The following EXOC6 variants were observed in gnomAD, a reference collection of about 807,000 sequenced individuals.
EXOC6 encodes exocyst complex component 6.
EXOC6 carries 60 observed loss-of-function variants against 112.5 expected under a neutral mutation model. That is an observed-to-expected ratio of 0.53 (90% confidence interval 0.43 to 0.66). The LOEUF is 0.66. Ranked by LOEUF, EXOC6 falls within the 30% of genes least tolerant of loss-of-function variation. EXOC6 has a pLI of 0.00. For synonymous variants in EXOC6, 295 were observed against 308.0 expected (o/e 0.96, Z 0.44); for missense variants, 855 against 957.1 (o/e 0.89, Z 1.41).
upstream of EXOC6, among the ~76,000 whole-genome samples, chr10:92,845,831 C>T (rs957773604): frequency 2.0e-5 from 3 of 149,116 alleles, no homozygotes; most frequent in Non-Finnish European, 4.5e-5. Context: ...CCAGCTACTC[C>T]GGAGGCTGAG....
intron 8 of EXOC6, among the ~76,000 whole-genome samples, chr10:92,924,443 AT>A (rs1340159794): frequency 6.6e-6 from 1 of 152,186 alleles, no homozygotes; most frequent in Non-Finnish European, 1.5e-5. Context: ...ATTCATGTAC[AT>A]TATGATTCGA....
intron 1 of EXOC6, among the ~76,000 whole-genome samples, chr10:92,871,564 T>A (rs1848448237): frequency 2.0e-5 from 3 of 151,062 alleles, no homozygotes; most frequent in Admixed American, 2.0e-4. Flanking sequence ...CCCAGCACTT[T>A]GGGAGGCCAA....
intron 17 of EXOC6, among the ~76,000 whole-genome samples, chr10:92,963,554 C>G (rs973271496): frequency 1.5e-4 from 21 of 136,818 alleles, no homozygotes; most frequent in Non-Finnish European, 2.6e-4. Flanking sequence ...TTTTTTGGAT[C>G]ATGGCTCACT....
intron 18 of EXOC6, among the ~76,000 whole-genome samples, chr10:92,977,344 G>A (rs7921198): frequency 0.011 from 1,620 of 152,056 alleles, 34 homozygotes; most frequent in African/African-American, 0.037. Context: ...AATTAGAAAA[G>A]TTGAGGGAAG....
At chr10:93,028,660 C>T (rs974427191) in intron 20 of EXOC6, among the ~76,000 whole-genome samples, 1 of 151,946 alleles carries the variant, frequency 6.6e-6, no homozygotes, top group Non-Finnish European at 1.5e-5. Context: ...CATGGAGAAA[C>T]CCTGTCTCTA....
At chr10:92,917,368 T>TA (rs1221288396) in intron 7 of EXOC6, among the ~76,000 whole-genome samples, 3 of 151,878 alleles carry the variant, frequency 2.0e-5, no homozygotes, top group Non-Finnish European at 4.4e-5. Context: ...TCTACCTATT[T>TA]AAAAAATTGG....
chr10:92,943,538 T>A (rs1852794643), intron 13 of EXOC6, among the ~76,000 whole-genome samples: 1 of 152,204 alleles, frequency 6.6e-6, no homozygotes, highest in Admixed American at 6.5e-5. Flanking sequence ...CTCACTATAT[T>A]ATGAGCCCTG....
upstream of EXOC6, among the ~76,000 whole-genome samples, chr10:92,831,146 A>G (rs550820492): frequency 5.9e-4 from 90 of 152,236 alleles, no homozygotes; most frequent in South Asian, 6.2e-3. Context: ...TACGGTGTAG[A>G]AGAAAGTAAG....
chr10:92,914,173 T>C (rs1454143320), intron 6 of EXOC6, among the ~76,000 whole-genome samples: 1 of 152,118 alleles, frequency 6.6e-6, no homozygotes, highest in African/African-American at 2.4e-5. Flanking sequence ...CATTCGATTC[T>C]CATAGGAGCG....
upstream of EXOC6, among the ~76,000 whole-genome samples, chr10:92,830,061 AG>A (rs1237859447): frequency 6.6e-6 from 1 of 152,228 alleles, no homozygotes; most frequent in Non-Finnish European, 1.5e-5. Context: ...AGTAACAATA[AG>A]TATAAGCAGC....
At chr10:93,050,081 G>C (rs566017371) in intron 20 of EXOC6, among the ~76,000 whole-genome samples, 52 of 152,144 alleles carry the variant, frequency 3.4e-4, no homozygotes, top group Middle Eastern at 6.8e-3. Flanking sequence ...AGAAATAGAG[G>C]TTTAATTATA....
At chr10:92,889,002 A>G (rs901812318) in intron 1 of EXOC6, among the ~76,000 whole-genome samples, 6 of 152,246 alleles carry the variant, frequency 3.9e-5, no homozygotes, top group Admixed American at 1.3e-4. Context: ...TCTGATGTGT[A>G]TAAGAAATAA....
intron 17 of EXOC6, among the ~76,000 whole-genome samples, chr10:92,960,015 A>T (rs76350909): frequency 0.027 from 4,185 of 152,314 alleles, 159 homozygotes; most frequent in East Asian, 0.15. Flanking sequence ...CTTGGTATTT[A>T]TCCCAAGGAG....
At chr10:93,015,728 G>A (rs1445238533) in intron 20 of EXOC6, among the ~76,000 whole-genome samples, 2 of 150,160 alleles carry the variant, frequency 1.3e-5, no homozygotes, top group Non-Finnish European at 3.0e-5. Context: ...GCGAGACTCC[G>A]TCTCAAAAAA....
chr10:92,969,651 T>C (rs1330279645), intron 17 of EXOC6, among the ~76,000 whole-genome samples: 1 of 151,848 alleles, frequency 6.6e-6, no homozygotes, highest in Non-Finnish European at 1.5e-5. Context: ...AATTTGTGCA[T>C]GTTTATTCAT....
intron 18 of EXOC6, among the ~76,000 whole-genome samples, chr10:92,977,827 C>T (rs570851277): frequency 1.4e-4 from 22 of 152,248 alleles, no homozygotes; most frequent in Middle Eastern, 3.4e-3. Context: ...AAATGTCTCA[C>T]CTTCCAAGGT....
intron 1 of EXOC6, among the ~76,000 whole-genome samples, chr10:92,892,220 C>T (rs530992654): frequency 6.6e-6 from 1 of 152,234 alleles, no homozygotes; most frequent in East Asian, 1.9e-4. Flanking sequence ...AAAACAACAA[C>T]AACAAAAACT....
At chr10:92,837,956 A>C (rs747411192) in intron 1 of EXOC6, among the ~76,000 whole-genome samples, 33 of 152,172 alleles carry the variant, frequency 2.2e-4, no homozygotes, top group Non-Finnish European at 4.9e-4. Context: ...TAAAATCCTG[A>C]ACTCTGTTAG....
rs192952667 is a variant in EXOC6, at chr10:92,953,521, A to G, written c.1527-1109A>G. 8.3e-3 allele frequency among the ~76,000 whole-genome samples: 1,267 copies of G among 152,334 alleles called. 6 individuals carry two copies. Among genetic ancestry groups the G allele is most frequent in the Non-Finnish European group, 0.014 (919 of 68,032 alleles). The stretch of plus-strand genomic sequence containing the variant: ...TCCCCACAAATTTGGCAATGTCTAG[A>G]AACATCTTTGGTTGTTACAGTTCAG... On this transcript the variant is annotated intron_variant, in intron 15 of 21. Coordinates refer to ENST00000260762, the MANE Select transcript of EXOC6 (RefSeq NM_019053.6).
Sources: gnomAD v4.1 joint callset for allele counts (sites outside exome capture counted in the v4.1 genomes callset) on GRCh38, gnomAD v4.1.1 for gene constraint, MANE v1.5 for transcripts, NCBI Gene and HGNC (gene_info 2026-07-23, HGNC 2026-07-21) for gene names.